HEATR5A: variants seen among roughly 807,000 people sequenced by gnomAD.
The protein encoded by HEATR5A is HEAT repeat-containing protein 5A.
A neutral mutation model predicts 218.8 loss-of-function variants in HEATR5A; 178 were observed. The ratio of observed to expected loss-of-function variants is 0.81; its 90% confidence interval spans 0.72 to 0.92. The LOEUF is 0.92. Among genes scored for constraint, HEATR5A ranks in the 40% least tolerant of loss-of-function variants. The pLI is 0.00. For synonymous variants in HEATR5A, 864 were observed against 871.6 expected, an observed-to-expected ratio of 0.99 and a Z score of 0.15; for missense variants, 2,420 against 2,418.9, an observed-to-expected ratio of 1.00 and a Z score of -0.01.
chr14:31,403,553 C>T (rs577651929), intron 1 of HEATR5A, among the ~76,000 whole-genome samples: 1 of 152,270 alleles, frequency 6.6e-6, no homozygotes, highest in African/African-American at 2.4e-5. Context: ...GCATCAGTTC[C>T]CCCAGCCTAA....
At chr14:31,418,988 A>G (rs1397608142) in intron 1 of HEATR5A, among the ~76,000 whole-genome samples, 1 of 152,186 alleles carries the variant, frequency 6.6e-6, no homozygotes, top group Non-Finnish European at 1.5e-5. Flanking sequence ...AATTTTAATT[A>G]ATAATTTAAG....
intron 21 of HEATR5A, among the ~76,000 whole-genome samples, chr14:31,342,081 A>G (rs1255246142): frequency 6.6e-6 from 1 of 152,150 alleles, no homozygotes; most frequent in Non-Finnish European, 1.5e-5. Flanking sequence ...AAGTCAGTCA[A>G]ATTCTCTTTT....
At chr14:31,390,081 G>T in intron 6 of HEATR5A, among the ~76,000 whole-genome samples, 1 of 152,014 alleles carries the variant, frequency 6.6e-6, no homozygotes, top group East Asian at 1.9e-4. Flanking sequence ...AGTCATGAGG[G>T]TATCTGGAGA....
chr14:31,380,075 C>G (rs1302823993), intron 11 of HEATR5A, among the ~76,000 whole-genome samples: 1 of 152,142 alleles, frequency 6.6e-6, no homozygotes, highest in Admixed American at 6.5e-5. Context: ...GTTATGAATC[C>G]TCAAACAATT....
At chr14:31,349,310 G>T (rs1901130409) in intron 18 of HEATR5A, among the ~76,000 whole-genome samples, 1 of 152,090 alleles carries the variant, frequency 6.6e-6, no homozygotes, top group Non-Finnish European at 1.5e-5. Flanking sequence ...CGTGAACCTG[G>T]GAGGCGGAGC....
chr14:31,301,942 T>C (rs1266003696), intron 33 of HEATR5A, among the ~76,000 whole-genome samples: 1 of 150,466 alleles, frequency 6.6e-6, no homozygotes, highest in Non-Finnish European at 1.5e-5. Flanking sequence ...CTCAGTGGAG[T>C]AGCTGAGACA....
intron 33 of HEATR5A, among the ~76,000 whole-genome samples, chr14:31,300,358 T>A (rs2139127781): frequency 6.6e-6 from 1 of 151,996 alleles, no homozygotes; most frequent in Admixed American, 6.6e-5. Context: ...TGATCTTGGC[T>A]CACACGGCAA....
At chr14:31,373,978 C>T (rs770614357) in intron 12 of HEATR5A, among the ~76,000 whole-genome samples, 9 of 152,064 alleles carry the variant, frequency 5.9e-5, no homozygotes, top group Non-Finnish European at 1.0e-4. Flanking sequence ...CTCTAGCTTA[C>T]TCCAAGAATA....
chr14:31,320,454 G>C, intron 25 of HEATR5A: 1 of 1,360,656 alleles, frequency 7.3e-7, no homozygotes, highest in Non-Finnish European at 1.0e-6. Context: ...TCAGTGTCCC[G>C]GGAGACAACA....
At position 31,323,575 on chromosome 14, in the gene HEATR5A, T is replaced by C; in HGVS notation, c.3777A>G (p.Arg1259=). The change falls in exon 24 of 36, where the codon AGA becomes AGG. Residue 1259 remains arginine (R), a synonymous_variant. Transcript: ENST00000543095. ...CACTATGTCACTTACTTCTTGAATC[T>C]CTTTTTTTCATTTCTTGTGCTAAAG... ...DIALAQEMKK[R]DSRNDFLVLH... 6.3e-7 allele frequency: 1 copy of C among 1,599,110 alleles called. No homozygotes were observed. Among genetic ancestry groups the C allele is most frequent in the Non-Finnish European group, 8.5e-7 (1 of 1,171,784 alleles).
rs781022802 is a variant in HEATR5A at position 31,321,570 on chromosome 14, TAAC to T, written c.3895_3897del (p.Val1299del). 1 of 1,607,922 alleles carries T rather than the reference TAAC, an allele frequency of 6.2e-7. No homozygotes were observed. Among genetic ancestry groups the T allele is most frequent in the Non-Finnish European group, 8.5e-7 (1 of 1,177,278 alleles). ...TCTGGAACAGTTGCAAATCGCCGAA[TAAC>T]AACTAACAGCATTTCAAGGCCAGAA... On this transcript the variant is annotated inframe_deletion, in exon 25 of 36. Transcript: ENST00000543095.
At chr14:31,385,397 G>A (rs1019319338) in intron 9 of HEATR5A, among the ~76,000 whole-genome samples, 1 of 151,706 alleles carries the variant, frequency 6.6e-6, no homozygotes, top group Admixed American at 6.6e-5. Flanking sequence ...CTAAAGTGCT[G>A]GGATTACAGG....
chr14:31,318,870 C>G (rs1187263136), intron 25 of HEATR5A, among the ~76,000 whole-genome samples: 1 of 152,178 alleles, frequency 6.6e-6, no homozygotes, highest in Non-Finnish European at 1.5e-5. Flanking sequence ...ATAATGAAGG[C>G]TCTCAAGACT....
intron 16 of HEATR5A, among the ~76,000 whole-genome samples, chr14:31,352,382 T>A (rs1213162903): frequency 1.3e-5 from 2 of 152,222 alleles, no homozygotes; most frequent in Non-Finnish European, 2.9e-5. Context: ...ACACACGGCA[T>A]GACTGGCTGA....
intron 35 of HEATR5A, 81 bp from the exon 36 acceptor site, chr14:31,293,693 A>G (rs966545383): frequency 7.7e-7 from 1 of 1,302,492 alleles, no homozygotes; most frequent in Non-Finnish European, 1.0e-6. Flanking sequence ...ATCTGTATAC[A>G]TTTTTCCCCA....
At chr14:31,355,772 A>G (rs752237628) in intron 16 of HEATR5A, among the ~76,000 whole-genome samples, 2 of 152,230 alleles carry the variant, frequency 1.3e-5, no homozygotes, top group Non-Finnish European at 2.9e-5. Flanking sequence ...TTTTCTGTAT[A>G]AAATATCTTG....
chr14:31,387,776 G>T (rs1466159997), intron 7 of HEATR5A, among the ~76,000 whole-genome samples: 3 of 152,176 alleles, frequency 2.0e-5, no homozygotes, highest in African/African-American at 7.2e-5. Context: ...TACCCAGGAT[G>T]GTCTCGATCT....
chr14:31,356,556 T>C (rs79826311), intron 16 of HEATR5A, among the ~76,000 whole-genome samples: 3,041 of 152,244 alleles, frequency 0.02, 89 homozygotes, highest in African/African-American at 0.069. Context: ...TTTTCCAAAA[T>C]AGTTAGAATC....
chr14:31,395,585 A>C (rs1250029763), intron 4 of HEATR5A, among the ~76,000 whole-genome samples: 2 of 152,236 alleles, frequency 1.3e-5, no homozygotes, highest in African/African-American at 2.4e-5. Flanking sequence ...AAGATTAAAC[A>C]AAATTACATG....
Sources: gnomAD v4.1 joint callset for allele counts (sites outside exome capture counted in the v4.1 genomes callset) on GRCh38, gnomAD v4.1.1 for gene constraint, MANE v1.5 for transcripts, NCBI Gene and HGNC (gene_info 2026-07-23, HGNC 2026-07-21) for gene names.